Variants in PI4K2A observed in about 807,000 individuals in gnomAD.
PI4K2A encodes phosphatidylinositol 4-kinase type 2 alpha.
Under a neutral mutation model 55.0 loss-of-function variants are expected in PI4K2A, and 20 were observed. The ratio of observed to expected loss-of-function variants is 0.36; its 90% confidence interval spans 0.26 to 0.53. The LOEUF (loss-of-function observed/expected upper bound fraction) is 0.53, where lower values mean the gene tolerates loss of function less well. Among genes scored for constraint, PI4K2A ranks in the 20% least tolerant of loss-of-function variants. PI4K2A has a pLI of 0.91. For missense variants in PI4K2A, 463 were observed against 637.1 expected (o/e 0.73, Z 2.94); for synonymous variants, 235 against 258.5 (o/e 0.91, Z 0.87).
intron 4 of PI4K2A, among the ~76,000 whole-genome samples, chr10:97,659,841 A>G (rs1037918422): frequency 2.6e-5 from 4 of 152,048 alleles, no homozygotes; most frequent in African/African-American, 9.7e-5. Context: ...GCTCCAAAAT[A>G]ATTACATCAG....
intron 8 of PI4K2A, among the ~76,000 whole-genome samples, chr10:97,667,392 T>G (rs1490280829): frequency 6.6e-6 from 1 of 152,132 alleles, no homozygotes; most frequent in Non-Finnish European, 1.5e-5. Context: ...GCATTTTTAG[T>G]AGAGACAGGG....
chr10:97,662,201 T>G (rs564130385), intron 4 of PI4K2A, among the ~76,000 whole-genome samples: 11 of 152,312 alleles, frequency 7.2e-5, no homozygotes, highest in Admixed American at 5.2e-4. Context: ...GATTTTGTTG[T>G]GAACATTTTA....
exon 9 of PI4K2A, chr10:97,676,420 A>G (rs545566089): frequency 4.7e-4 from 71 of 152,376 alleles, no homozygotes; most frequent in African/African-American, 1.7e-3. Context: ...AAAATAAAAA[A>G]TCTGAATTCC....
At chr10:97,657,869 T>G (rs1414638854) in intron 4 of PI4K2A, among the ~76,000 whole-genome samples, 1 of 106,332 alleles carries the variant, frequency 9.4e-6, no homozygotes, top group Admixed American at 8.5e-5. Context: ...CGAGTCTTGC[T>G]CTGTCACCTA....
At chr10:97,664,898 T>C in exon 6 of PI4K2A, 1 of 1,613,406 alleles carries the variant, frequency 6.2e-7, no homozygotes, top group Non-Finnish European at 8.5e-7. Context: ...ACAGACTGGG[T>C]GGTGGTGAAG....
Position 97,656,791 on chromosome 10 carries a change from A to C in PI4K2A, c.769-30A>C. 6.2e-7 allele frequency: 1 copy of C among 1,612,016 alleles called. No homozygotes were observed. The highest frequency in any genetic ancestry group is 8.5e-7 in the Non-Finnish European group (1 of 1,178,274). On this transcript the variant is annotated intron_variant, in intron 3 of 8. Transcript: ENST00000370631. This position sits in a 1 kb window ranked among gnomAD's most constrained non-coding sequence, Gnocchi z 4.5. Reference sequence around the variant, plus strand: ...GGTCTTTGGATTTGGGCAGTAGGGAAAAACCTTTGTTCCTTCCTCTTGGTT... The same window carrying C: ...GGTCTTTGGATTTGGGCAGTAGGGACAAACCTTTGTTCCTTCCTCTTGGTT...
In PI4K2A at chr10:97,640,850, CCG is replaced by C; in HGVS notation, c.109_110del (p.Arg37SerfsTer72). 1 of 1,364,290 alleles carries C rather than the reference CCG, an allele frequency of 7.3e-7. No individual in the cohort carries two copies. The highest frequency in any genetic ancestry group is 9.5e-7 in the Non-Finnish European group (1 of 1,056,850). 84.5% of individuals were successfully genotyped at this position (1,364,290 alleles called of 1,614,324 possible). On this transcript the variant is annotated frameshift_variant, in exon 1 of 9. Coordinates refer to ENST00000370631, the Ensembl canonical transcript of PI4K2A. LOFTEE classifies it high-confidence loss of function. ...TTCCGCAGGTGCCCGGGGGCGCGGTCCGAGTGGCGGCGGCGGCCGGCTCGGGC... is the reference window on the plus strand; with the variant it reads ...TTCCGCAGGTGCCCGGGGGCGCGGTCAGTGGCGGCGGCGGCCGGCTCGGGC...
intron 5 of PI4K2A, among the ~76,000 whole-genome samples, chr10:97,663,553 T>C (rs948279862): frequency 4.7e-5 from 7 of 150,444 alleles, no homozygotes; most frequent in Non-Finnish European, 7.4e-5. Flanking sequence ...TGGCCGGGCA[T>C]GGTGACTCAC....
chr10:97,650,068 G>A (rs577478082), intron 1 of PI4K2A, among the ~76,000 whole-genome samples: 11 of 152,190 alleles, frequency 7.2e-5, no homozygotes, highest in Admixed American at 2.6e-4. Context: ...GAAAGATCCC[G>A]TAGGATAAAT....
intron 2 of PI4K2A, among the ~76,000 whole-genome samples, chr10:97,652,506 GC>G (rs1193573143): frequency 6.6e-6 from 1 of 150,500 alleles, no homozygotes; most frequent in Non-Finnish European, 1.5e-5. Context: ...TCCCTGTTTT[GC>G]CCAGGCTGGT....
intron 1 of PI4K2A, among the ~76,000 whole-genome samples, chr10:97,650,012 C>A (rs186690954): frequency 1.3e-5 from 2 of 151,916 alleles, no homozygotes; most frequent in Admixed American, 1.3e-4. Context: ...AATGTAACTT[C>A]GGAAATTAGA....
Position 97,656,273 on chromosome 10 carries a change from C to G in PI4K2A, c.637-12C>G. On this transcript the variant is annotated splice_polypyrimidine_tract_variant and intron_variant, in intron 2 of 8. Coordinates refer to ENST00000370631, the Ensembl canonical transcript of PI4K2A. The surrounding 1 kb of genome is among the most constrained non-coding windows in gnomAD (Gnocchi z 4.5). ...TGACTCTAACCTTAGTATCTCTTCT[C>G]TTTCACTGTAGGTAGTATACCTGGC... 1 of 1,610,602 alleles carries G rather than the reference C, an allele frequency of 6.2e-7. No homozygotes were observed. The highest frequency in any genetic ancestry group is 1.1e-5 in the South Asian group (1 of 90,976).
At chr10:97,651,995 G>A (rs2041531991) in intron 2 of PI4K2A, among the ~76,000 whole-genome samples, 1 of 152,106 alleles carries the variant, frequency 6.6e-6, no homozygotes, top group African/African-American at 2.4e-5. Flanking sequence ...ACTCTCATCT[G>A]ATGCCCTGAG....
intron 4 of PI4K2A, among the ~76,000 whole-genome samples, chr10:97,658,340 A>C (rs1029629831): frequency 6.6e-6 from 1 of 152,218 alleles, no homozygotes; most frequent in Non-Finnish European, 1.5e-5. Flanking sequence ...CTCAAGGTAC[A>C]TCTATGATGT....
intron 1 of PI4K2A, among the ~76,000 whole-genome samples, chr10:97,646,492 C>T (rs1008030286): frequency 1.3e-5 from 2 of 152,154 alleles, no homozygotes; most frequent in Admixed American, 6.5e-5. Flanking sequence ...ACTGGGATTA[C>T]AGGCATGAGC....
At chr10:97,675,186 A>T (rs1166697192) in exon 9 of PI4K2A, 4 of 152,674 alleles carry the variant, frequency 2.6e-5, no homozygotes, top group Non-Finnish European at 5.9e-5. Context: ...AACTATCTTG[A>T]AGGTTTGAAA....
chr10:97,667,678 T>C (rs1277500328), intron 8 of PI4K2A, among the ~76,000 whole-genome samples: 1 of 152,208 alleles, frequency 6.6e-6, no homozygotes, highest in Admixed American at 6.5e-5. Context: ...AGGTAATTCA[T>C]TGGTAATTAA....
Position 97,645,977 on chromosome 10 carries a change from A to G in PI4K2A, c.435+4800A>G, listed in dbSNP as rs148491858. The stretch of plus-strand genomic sequence containing the variant: ...TCCAACCTATACCATAGAATACAGC[A>G]GTTCTTAGAGTGTGGCCCAGGGATC... On this transcript the variant is annotated intron_variant, in intron 1 of 8. Transcript: ENST00000370631. Among the ~76,000 whole-genome samples, 23 of 152,252 alleles carry G rather than the reference A, an allele frequency of 1.5e-4. No individual in the cohort carries two copies. The East Asian group carries it at 4.1e-3, about 27-fold the overall frequency.
chr10:97,657,450 T>C (rs552892452), intron 4 of PI4K2A, among the ~76,000 whole-genome samples: 67 of 152,158 alleles, frequency 4.4e-4, no homozygotes, highest in African/African-American at 1.6e-3. Flanking sequence ...GACAGATCAT[T>C]TGAGGCCGGG....
Sources: gnomAD v4.1 joint callset for allele counts (sites outside exome capture counted in the v4.1 genomes callset) on GRCh38, gnomAD v4.1.1 for gene constraint, Gnocchi (gnomAD v3.1) non-coding constraint, MANE v1.5 for transcripts, NCBI Gene and HGNC (gene_info 2026-07-23, HGNC 2026-07-21) for gene names.